Variants in LRRC4C observed in about 807,000 individuals in gnomAD.
LRRC4C encodes the protein leucine rich repeat containing 4C.
LRRC4C carries 5 observed loss-of-function variants against 33.6 expected under a neutral mutation model. The ratio of observed to expected loss-of-function variants is 0.15; its 90% CI spans 0.08 to 0.31. LRRC4C has a LOEUF of 0.31. Ranked by LOEUF, LRRC4C falls within the 10% of genes least tolerant of loss-of-function variation. LRRC4C has a pLI of 1.00. For synonymous variants in LRRC4C, 329 were observed against 302.0 expected (o/e 1.09, Z -0.93); for missense variants, 560 against 796.7 (o/e 0.70, Z 3.58).
At chr11:40,997,039 T>C (rs1463224992) in intron 1 of LRRC4C, among the ~76,000 whole-genome samples, 1 of 152,152 alleles carries the variant, frequency 6.6e-6, no homozygotes, top group Non-Finnish European at 1.5e-5. Flanking sequence ...TTGCAGAGGC[T>C]TATGGTATAT....
intron 4 of LRRC4C, among the ~76,000 whole-genome samples, chr11:40,245,088 C>A (rs762447957): frequency 2.6e-5 from 4 of 152,098 alleles, no homozygotes; most frequent in Admixed American, 6.6e-5. Flanking sequence ...ATTTTTCATC[C>A]ATGAATGAAC....
intron 2 of LRRC4C, among the ~76,000 whole-genome samples, chr11:40,897,179 T>G (rs192035396): frequency 6.6e-6 from 1 of 152,328 alleles, no homozygotes; most frequent in Non-Finnish European, 1.5e-5. Flanking sequence ...ATACTTGAAA[T>G]GCATTTAGAT....
chr11:41,146,009 G>A (rs1007256518), intron 1 of LRRC4C, among the ~76,000 whole-genome samples: 3 of 151,968 alleles, frequency 2.0e-5, no homozygotes, highest in Non-Finnish European at 2.9e-5. Flanking sequence ...TTCACCATAC[G>A]CTAAAAAACT....
intron 3 of LRRC4C, among the ~76,000 whole-genome samples, chr11:40,381,953 C>CTTT (rs1948884338): frequency 1.0e-5 from 1 of 99,064 alleles, no homozygotes; most frequent in African/African-American, 3.4e-5. Context: ...TATCAGTCAG[C>CTTT]GTTTTTTTTT....
At chr11:40,842,864 G>A (rs1263465923) in intron 2 of LRRC4C, among the ~76,000 whole-genome samples, 4 of 152,232 alleles carry the variant, frequency 2.6e-5, no homozygotes, top group East Asian at 1.9e-4. Flanking sequence ...CTACAACTCT[G>A]TGGTGTTTTC....
In LRRC4C at chr11:40,485,387, C is replaced by CTCTA. The variant is rs1459330710; in HGVS notation, c.-270+162754_-270+162755insTAGA. On this transcript the variant is annotated intron_variant, in intron 3 of 6. Coordinates refer to ENST00000528697, the MANE Select transcript of LRRC4C (RefSeq NM_001258419.2). ...GCTCTCTCTCTCTCCCTCCCTCTTT[C>CTCTA]ATATATTAGAGTTACATGTTTATTC... Among the ~76,000 whole-genome samples, 3 of 151,974 alleles carry CTCTA rather than the reference C, an allele frequency of 2.0e-5. No homozygotes were observed. In the East Asian group the frequency reaches 5.8e-4, roughly 29 times the overall value.
At chr11:40,353,473 T>C (rs1947511992) in intron 3 of LRRC4C, among the ~76,000 whole-genome samples, 1 of 152,166 alleles carries the variant, frequency 6.6e-6, no homozygotes, top group Non-Finnish European at 1.5e-5. Flanking sequence ...ATTCTAGCAC[T>C]TTGAGAGGCT....
At chr11:40,560,622 G>A (rs1221623492) in intron 3 of LRRC4C, among the ~76,000 whole-genome samples, 1 of 152,118 alleles carries the variant, frequency 6.6e-6, no homozygotes, top group African/African-American at 2.4e-5. Flanking sequence ...GGATTATTTT[G>A]AGAAAAGGAA....
At chr11:40,315,090 G>A (rs953431953) in intron 4 of LRRC4C, among the ~76,000 whole-genome samples, 2 of 151,878 alleles carry the variant, frequency 1.3e-5, no homozygotes, top group Admixed American at 6.6e-5. Flanking sequence ...AAGGTTTGAG[G>A]TGATGAATAT....
chr11:40,183,645 ACT>A (rs1374382319), intron 5 of LRRC4C, among the ~76,000 whole-genome samples: 2 of 152,188 alleles, frequency 1.3e-5, no homozygotes, highest in African/African-American at 2.4e-5. Flanking sequence ...CCAATCAGAA[ACT>A]CTGTGCAGCT....
chr11:40,367,413 C>T (rs1948257643), intron 3 of LRRC4C, among the ~76,000 whole-genome samples: 1 of 152,114 alleles, frequency 6.6e-6, no homozygotes, highest in South Asian at 2.1e-4. Context: ...AAAGGTCCCA[C>T]CACTGAATTG....
chr11:40,555,001 G>T (rs1591091292), intron 3 of LRRC4C, among the ~76,000 whole-genome samples: 1 of 143,126 alleles, frequency 7.0e-6, no homozygotes, highest in Non-Finnish European at 1.5e-5. Flanking sequence ...GATTACAGGC[G>T]TGAGCCACCG....
chr11:41,112,585 T>A (rs76250373), intron 1 of LRRC4C, among the ~76,000 whole-genome samples: 1,551 of 152,192 alleles, frequency 0.01, 26 homozygotes, highest in African/African-American at 0.036. Flanking sequence ...TTTAAAATTT[T>A]ATAAACAAAT....
At chr11:40,296,717 T>C (rs1019741305) in intron 4 of LRRC4C, among the ~76,000 whole-genome samples, 1 of 152,182 alleles carries the variant, frequency 6.6e-6, no homozygotes, top group Non-Finnish European at 1.5e-5. Flanking sequence ...AACCAAATTG[T>C]TGCTGAAAAA....
intron 1 of LRRC4C, among the ~76,000 whole-genome samples, chr11:41,010,787 A>G (rs970683731): frequency 6.6e-6 from 1 of 152,096 alleles, no homozygotes. Flanking sequence ...GCACATGGCT[A>G]TGTCTGTGGC....
intron 3 of LRRC4C, among the ~76,000 whole-genome samples, chr11:40,604,926 A>G (rs1166295613): frequency 6.6e-6 from 1 of 152,202 alleles, no homozygotes; most frequent in Non-Finnish European, 1.5e-5. Flanking sequence ...TTCCTTAATT[A>G]ACTCTATATT....
chr11:40,732,505 C>T (rs1232286182), intron 2 of LRRC4C, among the ~76,000 whole-genome samples: 1 of 152,082 alleles, frequency 6.6e-6, no homozygotes. Flanking sequence ...ATTGAGTTTG[C>T]TCCTTTTACA....
chr11:40,546,076 T>TCCTA (rs1170063060), intron 3 of LRRC4C, among the ~76,000 whole-genome samples: 714 of 67,090 alleles, frequency 0.011, no homozygotes, highest in East Asian at 0.054. Flanking sequence ...CTTCCTTCCT[T>TCCTA]CCTTCCTACC....
rs1857315507 is a variant in LRRC4C, at chr11:40,140,867, A to AAAAG, written c.-95-15_-95-14insCTTT. On this transcript the variant is annotated splice_polypyrimidine_tract_variant and intron_variant, in intron 5 of 6. Transcript: ENST00000528697. ...GCGTTTGCCAATCTAAAAAAAAAAA[A>AAAAG]AAAAGAAAAGAAAAGAAAAAAAAGC... is the stretch of plus-strand genomic sequence containing the variant. The AAAAG allele has an allele frequency of 6.6e-6, 1 of 152,210 alleles. No individual in the cohort carries two copies. Among genetic ancestry groups the AAAAG allele is most frequent in the Non-Finnish European group, 1.5e-5 (1 of 67,964 alleles). The allele number at this position is 152,210 out of a possible 1,614,324, so 9.4% of individuals were successfully genotyped here. A position where few individuals can be genotyped will look rare whatever the true frequency, so the allele number is the denominator to read the frequency against.
Sources: allele counts gnomAD v4.1 joint callset (sites outside exome capture counted in the v4.1 genomes callset), GRCh38; gene constraint gnomAD v4.1.1; transcripts MANE v1.5; gene names NCBI Gene and HGNC (gene_info 2026-07-23, HGNC 2026-07-21).